IGF1R: variants seen among roughly 807,000 people sequenced by gnomAD.
The protein encoded by IGF1R is insulin-like growth factor 1 receptor.
IGF1R carries 44 observed loss-of-function variants against 144.6 expected under a neutral mutation model. The ratio of observed to expected loss-of-function variants is 0.30; its 90% CI spans 0.24 to 0.39. IGF1R has a LOEUF of 0.39. IGF1R is among the 10% of genes least tolerant of loss of function. The pLI, the probability that IGF1R is intolerant of heterozygous loss-of-function variation, is 1.00. For missense variants in IGF1R, 1,355 were observed against 1,833.7 expected (o/e 0.74, Z 4.77); for synonymous variants, 795 against 722.8 (o/e 1.10, Z -1.60).
At chr15:98,949,646 C>T (rs1567218413) in intron 20 of IGF1R, among the ~76,000 whole-genome samples, 2 of 152,222 alleles carry the variant, frequency 1.3e-5, no homozygotes, top group South Asian at 2.1e-4. Context: ...GCTGGGATTA[C>T]AGGCATGAGC....
At chr15:98,893,570 G>A (rs963532875) in intron 3 of IGF1R, 4 of 152,208 alleles carry the variant, frequency 2.6e-5, no homozygotes, top group African/African-American at 4.8e-5. Flanking sequence ...CTATTCAGAC[G>A]TCACCTTCCT....
At chr15:98,814,090 T>C (rs1413648593) in intron 2 of IGF1R, among the ~76,000 whole-genome samples, 1 of 152,214 alleles carries the variant, frequency 6.6e-6, no homozygotes, top group Non-Finnish European at 1.5e-5. Context: ...GTATGTGACA[T>C]GGTTAATAAC....
chr15:98,711,328 C>T (rs1407170609), intron 2 of IGF1R, among the ~76,000 whole-genome samples: 1 of 152,182 alleles, frequency 6.6e-6, no homozygotes, highest in African/African-American at 2.4e-5. Flanking sequence ...AGAAACACGT[C>T]AAGGGTGTGT....
chr15:98,701,051 G>C (rs2053718851), intron 1 of IGF1R, among the ~76,000 whole-genome samples: 1 of 152,100 alleles, frequency 6.6e-6, no homozygotes, highest in South Asian at 2.1e-4. Flanking sequence ...ATAGTGTCTA[G>C]AGAGGGTTTT....
chr15:98,730,675 A>G, intron 2 of IGF1R, among the ~76,000 whole-genome samples: 1 of 152,356 alleles, frequency 6.6e-6, no homozygotes, highest in East Asian at 1.9e-4. Flanking sequence ...TGTTCCCAAT[A>G]GCATGATGTG....
intron 2 of IGF1R, among the ~76,000 whole-genome samples, chr15:98,787,764 T>C (rs2056032183): frequency 6.6e-6 from 1 of 152,216 alleles, no homozygotes; most frequent in Admixed American, 6.5e-5. Context: ...CAACAAATAG[T>C]ATCCTCAACT....
At chr15:98,787,472 T>G (rs2141407889) in intron 2 of IGF1R, among the ~76,000 whole-genome samples, 1 of 152,308 alleles carries the variant, frequency 6.6e-6, no homozygotes, top group Middle Eastern at 3.4e-3. Context: ...AGCTTTGCCC[T>G]TCCTAATCCA....
chr15:98,756,246 C>A (rs1379588975), intron 2 of IGF1R, among the ~76,000 whole-genome samples: 3 of 100,066 alleles, frequency 3.0e-5, no homozygotes, highest in Non-Finnish European at 6.7e-5. Context: ...TAGGAAATAA[C>A]CTGTTTTTTT....
At chr15:98,705,922 C>A (rs969977981) in intron 1 of IGF1R, among the ~76,000 whole-genome samples, 3 of 152,220 alleles carry the variant, frequency 2.0e-5, no homozygotes, top group African/African-American at 7.2e-5. Flanking sequence ...TTCACCCTGA[C>A]CATCAGATCT....
intron 2 of IGF1R, among the ~76,000 whole-genome samples, chr15:98,752,783 A>G (rs1596268592): frequency 1.3e-5 from 2 of 152,320 alleles, no homozygotes; most frequent in African/African-American, 4.8e-5. Flanking sequence ...TATTAAATTG[A>G]CTTTGTTATT....
chr15:98,891,421 C>T lies in IGF1R; in HGVS notation c.737C>T (p.Thr246Met), dbSNP rs1297968262. 5.6e-6 allele frequency: 9 copies of T among 1,613,736 alleles called. No homozygotes were observed. The highest frequency in any genetic ancestry group is 2.2e-5 in the East Asian group (1 of 44,874). Residue 246 changes from threonine to methionine, a missense_variant, in exon 3 of 21, where the codon ACG becomes ATG. Thr to Met is a moderately conservative substitution (Grantham distance 81). Around this residue, in one of 7 missense-constraint regions of IGF1R, gnomAD observed 880 missense variants for 1,202.7 expected, o/e 0.73. Transcript: ENST00000650285. This position sits in a 1 kb window ranked among gnomAD's most constrained non-coding sequence, Gnocchi z 4.7. ...AGCTGCAGCGCGCCTGACAACGACA[C>T]GGCCTGTGTAGCTTGCCGCCACTAC... ...LGSCSAPDND[T>M]ACVACRHYYY... is the part of the protein sequence containing the mutation.
chr15:98,651,647 C>T (rs1038404130), intron 1 of IGF1R, among the ~76,000 whole-genome samples: 3 of 152,160 alleles, frequency 2.0e-5, no homozygotes, highest in Non-Finnish European at 2.9e-5. Flanking sequence ...TCTTTTGGAG[C>T]GTTCTTCTTG....
chr15:98,789,462 GT>G (rs1167751948), intron 2 of IGF1R, among the ~76,000 whole-genome samples: 4 of 152,190 alleles, frequency 2.6e-5, no homozygotes, highest in African/African-American at 7.2e-5. Flanking sequence ...TCAAGGTCTT[GT>G]TTTTGCCCTT....
chr15:98,842,791 G>A (rs1471798245), intron 2 of IGF1R, among the ~76,000 whole-genome samples: 4 of 152,340 alleles, frequency 2.6e-5, no homozygotes, highest in East Asian at 1.9e-4. Context: ...AGGAGATGCA[G>A]TAGGATTTGT....
In IGF1R at chr15:98,957,110, T is replaced by G. The variant is rs368065238; in HGVS notation, c.3772T>G (p.Ser1258Ala). ...CWQYNPKMRP[S>A]FLEIISSIKE... ...GCAGTATAACCCCAAGATGAGGCCT[T>G]CCTTCCTGGAGATCATCAGCAGCAT... The change falls in exon 21 of 21, where the codon TCC (serine) becomes GCC (alanine). Residue 1258 changes from serine to alanine, a missense_variant. By Grantham distance (99) the Ser-to-Ala change is moderately conservative. Coordinates refer to ENST00000650285, the MANE Select transcript of IGF1R (RefSeq NM_000875.5). 36 of 1,614,218 alleles carry G rather than the reference T, an allele frequency of 2.2e-5. No homozygotes were observed. In the African/African-American group the frequency reaches 4.1e-4, roughly 19 times the overall value.
intron 2 of IGF1R, among the ~76,000 whole-genome samples, chr15:98,807,882 A>C (rs1217851230): frequency 6.6e-6 from 1 of 152,208 alleles, no homozygotes; most frequent in Non-Finnish European, 1.5e-5. Context: ...GATAATAGTA[A>C]TTTTCCTTCT....
Position 98,963,969 on chromosome 15 carries a change from GTT to G in IGF1R, c.*6530_*6531del. The G allele has an allele frequency of 4.3e-6, 1 of 233,312 alleles. No individual in the cohort carries two copies. 14.5% of individuals were successfully genotyped at this position (233,312 alleles called of 1,614,324 possible). The stretch of plus-strand genomic sequence containing the variant: ...GGAGAAAGATCTGGAAACTATTTGG[GTT>G]TTGTTTTCAACTTTTCATTTGGATG... On this transcript the variant is annotated 3_prime_UTR_variant, in exon 21 of 21. Coordinates refer to ENST00000650285, the MANE Select transcript of IGF1R (RefSeq NM_000875.5).
At chr15:98,754,573 C>T (rs781344498) in intron 2 of IGF1R, among the ~76,000 whole-genome samples, 2 of 152,180 alleles carry the variant, frequency 1.3e-5, no homozygotes, top group African/African-American at 4.8e-5. Flanking sequence ...ACAGGAGTCC[C>T]CACTGAACCT....
intron 2 of IGF1R, among the ~76,000 whole-genome samples, chr15:98,828,349 G>A (rs2056935372): frequency 6.6e-6 from 1 of 152,072 alleles, no homozygotes; most frequent in Admixed American, 6.5e-5. Context: ...CAAGCCCTCT[G>A]CCTGCTCGTA....
Sources: gnomAD v4.1 joint callset for allele counts (sites outside exome capture counted in the v4.1 genomes callset) on GRCh38, gnomAD v4.1.1 for gene constraint, gnomAD v4.1.1 regional missense constraint, Gnocchi (gnomAD v3.1) non-coding constraint, MANE v1.5 for transcripts, NCBI Gene and HGNC (gene_info 2026-07-23, HGNC 2026-07-21) for gene names.